TOGARAM2: variants seen among roughly 807,000 people sequenced by gnomAD.
TOGARAM2 encodes TOG array regulator of axonemal microtubules 2, also known as TOG array regulator of axonemal microtubules protein 2.
A neutral mutation model predicts 93.3 loss-of-function variants in TOGARAM2; 85 were observed. That is an observed-to-expected ratio of 0.91 (90% CI 0.76 to 1.09). The LOEUF is 1.09. Among genes scored for constraint, TOGARAM2 ranks in the 50% least tolerant of loss-of-function variants. The probability of loss-of-function intolerance (pLI) is 0.00; values close to 1 mark genes in which losing one functional copy is unlikely to be tolerated. For synonymous variants in TOGARAM2, 593 were observed against 552.8 expected, an observed-to-expected ratio of 1.07 and a Z score of -1.02; for missense variants, 1,277 against 1,334.5, an observed-to-expected ratio of 0.96 and a Z score of 0.67.
chr2:28,998,253 G>A lies in TOGARAM2; in HGVS notation c.139G>A (p.Gly47Ser). ...CAACTCCAGTCTGCCTCATGGAGAAGGTGAGATGGGAAGACCTCACCTGGT... is the reference window on the plus strand; with the variant it reads ...CAACTCCAGTCTGCCTCATGGAGAAAGTGAGATGGGAAGACCTCACCTGGT... Reference protein sequence around the residue: ...SINSSLPHGEGSLQPEPRALL... With the variant: ...SINSSLPHGESSLQPEPRALL... The change falls in exon 3 of 20, where the codon GGT (glycine) becomes AGT (serine). Residue 47 changes from glycine to serine, a missense_variant and splice_region_variant. Transcript: ENST00000379558. The A allele has an allele frequency of 6.2e-7, 1 of 1,608,088 alleles. No homozygotes were observed. Among genetic ancestry groups the A allele is most frequent in the South Asian group, 1.1e-5 (1 of 89,694 alleles).
chr2:28,986,162 G>T (rs1017882585), intron 1 of TOGARAM2, among the ~76,000 whole-genome samples: 4 of 147,946 alleles, frequency 2.7e-5, no homozygotes, highest in Non-Finnish European at 4.5e-5. Context: ...CCTTAATTAG[G>T]ATGCCCTCGT....
intron 14 of TOGARAM2, among the ~76,000 whole-genome samples, chr2:29,028,177 C>T (rs1665527978): frequency 6.8e-6 from 1 of 148,070 alleles, no homozygotes; most frequent in African/African-American, 2.5e-5. Flanking sequence ...AGGTCTCCAC[C>T]CCTCACTCCA....
At chr2:28,968,698 A>C (rs1479122388) in intron 1 of TOGARAM2, among the ~76,000 whole-genome samples, 2 of 151,926 alleles carry the variant, frequency 1.3e-5, no homozygotes, top group Non-Finnish European at 2.9e-5. Context: ...ATGTGCCTGT[A>C]GTCCCAGCTA....
At chr2:28,983,196 ATATTTTTTTTTTTTT>A (rs1163630233) in intron 1 of TOGARAM2, among the ~76,000 whole-genome samples, 2 of 48,166 alleles carry the variant, frequency 4.2e-5, no homozygotes, top group East Asian at 7.1e-4. Flanking sequence ...ATATATATAT[ATATTTTTTTTTTTTT>A]TTTTTTTTTT....
chr2:28,968,245 A>G (rs898723081), intron 1 of TOGARAM2, among the ~76,000 whole-genome samples: 1 of 152,178 alleles, frequency 6.6e-6, no homozygotes, highest in Non-Finnish European at 1.5e-5. Flanking sequence ...CACACCTTCC[A>G]TTTATTCCCA....
At chr2:29,014,986 G>A (rs567259017) in intron 8 of TOGARAM2, among the ~76,000 whole-genome samples, 3 of 152,290 alleles carry the variant, frequency 2.0e-5, no homozygotes, top group African/African-American at 4.8e-5. Flanking sequence ...GATCAGCCAC[G>A]GGCTGTGCTC....
chr2:29,007,255 C>G (rs1432135193), intron 6 of TOGARAM2, among the ~76,000 whole-genome samples: 1 of 152,174 alleles, frequency 6.6e-6, no homozygotes, highest in Non-Finnish European at 1.5e-5. Context: ...TTTCTCCTGG[C>G]TGATGTGATC....
chr2:29,024,452 G>A lies in TOGARAM2; in HGVS notation c.1853+78G>A, dbSNP rs1205588041. On this transcript the variant is annotated intron_variant, in intron 13 of 19. Coordinates refer to ENST00000379558, the MANE Select transcript of TOGARAM2 (RefSeq NM_199280.4). ...AGGGGAGAGGCCCTGGGATGTGAAA[G>A]AAGGAGGGAAGGGTGCAGGGAGGGA... 6 of 571,444 alleles carry A rather than the reference G, an allele frequency of 1.0e-5. 1 individual carries two copies. The Admixed American group carries it at 1.2e-4, about 11-fold the overall frequency. 35.4% of individuals were successfully genotyped at this position (571,444 alleles called of 1,614,324 possible).
chr2:29,017,692 T>G, intron 9 of TOGARAM2, 100 bp from the exon 10 acceptor site: 5 of 1,212,288 alleles, frequency 4.1e-6, no homozygotes, highest in South Asian at 1.7e-5. Context: ...GGTACTGGCA[T>G]GAGCTACTTT....
chr2:28,985,550 C>T (rs1572632935), intron 1 of TOGARAM2, among the ~76,000 whole-genome samples: 2 of 152,002 alleles, frequency 1.3e-5, no homozygotes, highest in Admixed American at 1.3e-4. Flanking sequence ...AATTACTAGA[C>T]CAAGTTCTGA....
intron 1 of TOGARAM2, among the ~76,000 whole-genome samples, chr2:28,975,070 T>C (rs1672005124): frequency 6.6e-6 from 1 of 152,100 alleles, no homozygotes; most frequent in Non-Finnish European, 1.5e-5. Context: ...TTTTCTTTCT[T>C]AAATTTTTTT....
chr2:28,965,419 C>T (rs796327581), intron 1 of TOGARAM2, among the ~76,000 whole-genome samples: 6 of 152,136 alleles, frequency 3.9e-5, no homozygotes, highest in African/African-American at 1.4e-4. Flanking sequence ...GTTGTTAGCC[C>T]TGCTCCTTTG....
At chr2:28,969,062 T>A (rs917431220) in intron 1 of TOGARAM2, among the ~76,000 whole-genome samples, 4 of 152,054 alleles carry the variant, frequency 2.6e-5, no homozygotes, top group Admixed American at 1.3e-4. Context: ...TTCTCTTTGG[T>A]CTCACCAGAA....
intron 1 of TOGARAM2, among the ~76,000 whole-genome samples, chr2:28,961,364 A>G (rs1308502567): frequency 6.6e-6 from 1 of 152,080 alleles, no homozygotes; most frequent in Non-Finnish European, 1.5e-5. Context: ...TGGAGGCAGA[A>G]TCTTTCTCAC....
At chr2:29,025,428 T>C (rs561580816) in intron 13 of TOGARAM2, among the ~76,000 whole-genome samples, 1 of 152,284 alleles carries the variant, frequency 6.6e-6, no homozygotes, top group East Asian at 1.9e-4. Context: ...TTGGCTCAGC[T>C]TCCTCACCTG....
intron 6 of TOGARAM2, among the ~76,000 whole-genome samples, chr2:29,005,152 T>TG (rs202210296): frequency 6.0e-4 from 8 of 13,280 alleles, no homozygotes; most frequent in African/African-American, 9.2e-4. Context: ...TGAGTGCATG[T>TG]TGTGTGTGAG....
intron 3 of TOGARAM2, among the ~76,000 whole-genome samples, 153 bp from the exon 4 acceptor site, chr2:28,999,028 A>T (rs948971120): frequency 3.9e-5 from 6 of 151,976 alleles, no homozygotes; most frequent in Non-Finnish European, 8.8e-5. Context: ...CGAATGAATG[A>T]CTCGTCCCCA....
chr2:29,005,381 T>G (rs1272464835), intron 6 of TOGARAM2, among the ~76,000 whole-genome samples: 1 of 138,920 alleles, frequency 7.2e-6, no homozygotes, highest in Non-Finnish European at 1.5e-5. Flanking sequence ...CGTGCATGTA[T>G]GTGGGTGCAT....
chr2:29,031,958 A>G (rs533850758), intron 14 of TOGARAM2, among the ~76,000 whole-genome samples: 141 of 152,232 alleles, frequency 9.3e-4, no homozygotes, highest in African/African-American at 3.4e-3. Flanking sequence ...TGTGGTTTCC[A>G]TCTTCTCAGC....
Sources: gnomAD v4.1 joint callset for allele counts (sites outside exome capture counted in the v4.1 genomes callset) on GRCh38, gnomAD v4.1.1 for gene constraint, MANE v1.5 for transcripts, NCBI Gene and HGNC (gene_info 2026-07-23, HGNC 2026-07-21) for gene names.